The following SUFU variants were observed in gnomAD, a reference collection of about 807,000 sequenced individuals.
The protein encoded by SUFU is SUFU negative regulator of hedgehog signaling, also known as suppressor of fused homolog.
SUFU carries 7 observed loss-of-function variants against 58.9 expected under a neutral mutation model. That is an observed-to-expected ratio of 0.12 (90% confidence interval 0.07 to 0.22). The LOEUF (loss-of-function observed/expected upper bound fraction) is 0.22. Among genes scored for constraint, SUFU ranks in the 10% least tolerant of loss-of-function variants. The pLI, the probability that SUFU is intolerant of heterozygous loss-of-function variation, is 1.00. For missense variants in SUFU, 451 were observed against 641.3 expected (o/e 0.70, Z 3.20); for synonymous variants, 232 against 254.8 (o/e 0.91, Z 0.85).
chr10:102,512,601 C>T (rs1331000225), intron 2 of SUFU, among the ~76,000 whole-genome samples: 2 of 152,300 alleles, frequency 1.3e-5, no homozygotes, highest in South Asian at 2.1e-4. Flanking sequence ...CTACATGGTA[C>T]AGCACTTTGT....
Position 102,508,282 on chromosome 10 carries a change from AT to A in SUFU, c.183-879del, listed in dbSNP as rs557123923. 1.3e-3 allele frequency among the ~76,000 whole-genome samples: 198 copies of A among 151,972 alleles called. 1 individual carries two copies. The highest frequency in any genetic ancestry group is 4.5e-3 in the African/African-American group (187 of 41,502). On this transcript the variant is annotated intron_variant, in intron 1 of 11. Coordinates refer to ENST00000369902, the MANE Select transcript of SUFU (RefSeq NM_016169.4). ...AGCCACCGTGCCCGGCCAAAACAGG[AT>A]TTTTTTTAAAAAGCACTGATTACTA...
chr10:102,631,631 A>G lies in SUFU; in HGVS notation c.*1476A>G. On this transcript the variant is annotated 3_prime_UTR_variant, in exon 12 of 12. Coordinates refer to ENST00000369902, the MANE Select transcript of SUFU (RefSeq NM_016169.4). ...CTCTGCTGCACACACAGGCACCAGC[A>G]GGGATGCCACAGGAGTGCCCACAGG... The G allele has an allele frequency of 8.6e-6, 2 of 233,476 alleles. No homozygotes were observed. Among genetic ancestry groups the G allele is most frequent in the Non-Finnish European group, 1.7e-5 (2 of 118,280 alleles). The allele number at this position is 233,476 out of a possible 1,614,324, so 14.5% of individuals were successfully genotyped here.
intron 2 of SUFU, among the ~76,000 whole-genome samples, chr10:102,511,097 G>T (rs1200336351): frequency 6.7e-6 from 1 of 149,082 alleles, no homozygotes; most frequent in Non-Finnish European, 1.5e-5. Context: ...CTCCAGCCTG[G>T]GCAACAAGAG....
At chr10:102,517,181 G>C (rs2062481584) in intron 2 of SUFU, among the ~76,000 whole-genome samples, 3 of 151,992 alleles carry the variant, frequency 2.0e-5, no homozygotes, top group Admixed American at 2.0e-4. Context: ...CAAGCTACTT[G>C]GGAGGCTGAG....
rs10786697 is a variant in SUFU, at chr10:102,618,806, G to T, written c.1296+1378G>T. The T allele has an allele frequency of 0.46, 252,390 of 551,460 alleles. 60,473 individuals carry two copies. Among genetic ancestry groups the T allele is most frequent in the East Asian group, 0.73 (24,962 of 34,008 alleles). The allele number at this position is 551,460 out of a possible 1,614,324, so 34.2% of individuals were successfully genotyped here. On this transcript the variant is annotated intron_variant, in intron 10 of 11. Coordinates refer to ENST00000369902, the MANE Select transcript of SUFU (RefSeq NM_016169.4). The stretch of plus-strand genomic sequence containing the variant: ...CCCCAGCCATGTCCCGGGCTGCTGC[G>T]TCTGCCCCTGTGGAGAACAGGGAGG...
intron 2 of SUFU, among the ~76,000 whole-genome samples, chr10:102,544,390 A>G (rs2062833229): frequency 6.6e-6 from 1 of 152,174 alleles, no homozygotes; most frequent in Non-Finnish European, 1.5e-5. Context: ...CCAGTACATT[A>G]TCTAATTCCA....
intron 3 of SUFU, among the ~76,000 whole-genome samples, chr10:102,580,027 G>A (rs866471180): frequency 9.5e-5 from 4 of 41,966 alleles, no homozygotes; most frequent in South Asian, 1.8e-3. Flanking sequence ...CTCCTCCCCC[G>A]CACCCCCCCC....
At position 102,631,579 on chromosome 10, in the gene SUFU, G is replaced by A. The variant is rs1427305373; in HGVS notation, c.*1424G>A. 3 of 233,494 alleles carry A rather than the reference G, an allele frequency of 1.3e-5. No individual in the cohort carries two copies. Among genetic ancestry groups the A allele is most frequent in the Non-Finnish European group, 1.7e-5 (2 of 118,286 alleles). 14.5% of individuals were successfully genotyped at this position (233,494 alleles called of 1,614,324 possible). A position where few individuals can be genotyped will look rare whatever the true frequency, so the allele number is the denominator to read the frequency against. On this transcript the variant is annotated 3_prime_UTR_variant, in exon 12 of 12. Transcript: ENST00000369902. Reference sequence around the variant, plus strand: ...CTCTTCAAAGCAAAGTCATGACAATGCAGGGCTCCTCATTGCTCCCATCTG... The same window carrying A: ...CTCTTCAAAGCAAAGTCATGACAATACAGGGCTCCTCATTGCTCCCATCTG...
At chr10:102,516,454 TTG>T (rs1454293592) in intron 2 of SUFU, among the ~76,000 whole-genome samples, 1 of 152,188 alleles carries the variant, frequency 6.6e-6, no homozygotes, top group Non-Finnish European at 1.5e-5. Flanking sequence ...GCAGCATGGA[TTG>T]TTTCTTCCTT....
rs115836705 is a variant in SUFU, at chr10:102,593,058, C to T, written c.597+334C>T. Among the ~76,000 whole-genome samples, 1,025 of 152,312 alleles carry T rather than the reference C, an allele frequency of 6.7e-3. 11 individuals are homozygous for T. Among genetic ancestry groups the T allele is most frequent in the African/African-American group, 0.024 (993 of 41,564 alleles). On this transcript the variant is annotated intron_variant, in intron 4 of 11. Coordinates refer to ENST00000369902, the MANE Select transcript of SUFU (RefSeq NM_016169.4). ...AAGCCAGCTCTGGGTCGTCCTTGCT[C>T]TTTGCCAGAAGCTGTGGGAACCTGC...
chr10:102,592,384 G>T (rs1184815794), intron 3 of SUFU, among the ~76,000 whole-genome samples, 198 bp from the exon 4 acceptor site: 1 of 152,086 alleles, frequency 6.6e-6, no homozygotes, highest in African/African-American at 2.4e-5. Flanking sequence ...GACAGAACTG[G>T]CAAGCAGGAA....
chr10:102,586,189 A>C (rs1349651403), intron 3 of SUFU, among the ~76,000 whole-genome samples: 1 of 151,816 alleles, frequency 6.6e-6, no homozygotes. Flanking sequence ...CCGGCCAGCT[A>C]TTTGTATGTC....
intron 3 of SUFU, among the ~76,000 whole-genome samples, chr10:102,554,655 G>A (rs2062954895): frequency 6.6e-6 from 1 of 152,134 alleles, no homozygotes; most frequent in East Asian, 1.9e-4. Context: ...AATAGCTTAA[G>A]TAGCTCCGCA....
chr10:102,582,399 C>T (rs1831237038), intron 3 of SUFU, among the ~76,000 whole-genome samples: 1 of 152,092 alleles, frequency 6.6e-6, no homozygotes, highest in Non-Finnish European at 1.5e-5. Context: ...CAAACAATAG[C>T]TGTTTTCTTC....
In SUFU at chr10:102,587,904, C is replaced by T. The variant is rs2135851409; in HGVS notation, c.455-4678C>T. ...GCCTAATCCAAGGTCAAAAGATTTA[C>T]TCCAATGTTTGCTTCTAAAAGTTTT... On this transcript the variant is annotated intron_variant, in intron 3 of 11. Transcript: ENST00000369902. 3.3e-5 allele frequency among the ~76,000 whole-genome samples: 5 copies of T among 152,312 alleles called. No individual in the cohort carries two copies. The South Asian group carries it at 1.0e-3, about 32-fold the overall frequency.
At chr10:102,505,092 C>T (rs942225520) in intron 1 of SUFU, among the ~76,000 whole-genome samples, 16 of 152,086 alleles carry the variant, frequency 1.1e-4, no homozygotes, top group Admixed American at 4.6e-4. Flanking sequence ...TTGAAGGGGC[C>T]GACAGCTTCC....
At position 102,504,235 on chromosome 10, in the gene SUFU, C is replaced by T. The variant is rs758001170; in HGVS notation, c.83C>T (p.Ser28Leu). Residue 28 changes from serine to leucine, a missense_variant, in exon 1 of 12, where the codon TCG becomes TTG. By Grantham distance (145) the Ser-to-Leu change is moderately radical (BLOSUM62 -2). Transcript: ENST00000369902. ...PGPTAPPAFA[S>L]LFPPGLHAIY... is the part of the protein sequence containing the mutation. ...CCGACTGCCCCCCCGGCCTTCGCTT[C>T]GCTCTTTCCCCCGGGACTGCACGCC... 2 of 1,600,616 alleles carry T rather than the reference C, an allele frequency of 1.2e-6. No individual in the cohort carries two copies. The highest frequency in any genetic ancestry group is 1.7e-5 in the Admixed American group (1 of 59,682).
chr10:102,615,010 C>T (rs2063670462), intron 8 of SUFU, among the ~76,000 whole-genome samples: 1 of 152,130 alleles, frequency 6.6e-6, no homozygotes. Context: ...CCTCCCTGTC[C>T]CCAGTTCCTC....
At chr10:102,623,693 A>G (rs956652902) in intron 10 of SUFU, among the ~76,000 whole-genome samples, 3 of 152,216 alleles carry the variant, frequency 2.0e-5, no homozygotes, top group Admixed American at 2.0e-4. Flanking sequence ...TGATCCCAGC[A>G]CTTTGGGAGG....
Sources: gnomAD v4.1 joint callset for allele counts (sites outside exome capture counted in the v4.1 genomes callset) on GRCh38, gnomAD v4.1.1 for gene constraint, MANE v1.5 for transcripts, NCBI Gene and HGNC (gene_info 2026-07-23, HGNC 2026-07-21) for gene names.